TANC1: variants seen among roughly 807,000 people sequenced by gnomAD.
The protein encoded by TANC1 is tetratricopeptide repeat, ankyrin repeat and coiled-coil containing 1.
Under a neutral mutation model 149.7 loss-of-function variants are expected in TANC1, and 77 were observed. The ratio of observed to expected loss-of-function variants is 0.51; its 90% CI spans 0.43 to 0.62. TANC1 has a LOEUF of 0.62. Among genes scored for constraint, TANC1 ranks in the 20% least tolerant of loss-of-function variants. The pLI is 0.00. For missense variants in TANC1, 1,985 were observed against 2,321.8 expected, an observed-to-expected ratio of 0.85 and a Z score of 2.98; for synonymous variants, 854 against 925.0, an observed-to-expected ratio of 0.92 and a Z score of 1.39.
At chr2:159,099,761 A>G (rs2046487497) in intron 4 of TANC1, among the ~76,000 whole-genome samples, 1 of 141,558 alleles carries the variant, frequency 7.1e-6, no homozygotes, top group Admixed American at 7.9e-5. Context: ...TTGCCTTCCT[A>G]CCCCTGATGT....
chr2:159,197,529 T>C (rs1203665577), intron 18 of TANC1, among the ~76,000 whole-genome samples: 1 of 152,178 alleles, frequency 6.6e-6, no homozygotes, highest in Non-Finnish European at 1.5e-5. Flanking sequence ...TGGCTGACTT[T>C]GGCATTCAAA....
chr2:159,073,994 A>G (rs2043402684), intron 3 of TANC1, among the ~76,000 whole-genome samples: 1 of 152,204 alleles, frequency 6.6e-6, no homozygotes, highest in South Asian at 2.1e-4. Context: ...CTTGCAGTTA[A>G]TGAGGGTGGC....
chr2:159,183,698 G>GT (rs1320036868), intron 14 of TANC1, among the ~76,000 whole-genome samples: 2 of 152,036 alleles, frequency 1.3e-5, no homozygotes, highest in East Asian at 1.9e-4. Context: ...TTGTTTGTTT[G>GT]TTTTTTAATA....
chr2:159,125,362 C>A (rs981980359), intron 4 of TANC1, among the ~76,000 whole-genome samples: 1 of 152,232 alleles, frequency 6.6e-6, no homozygotes, highest in African/African-American at 2.4e-5. Flanking sequence ...GAAATTACTA[C>A]AAGCTTATCT....
At chr2:159,196,451 C>A (rs1575198316) in intron 17 of TANC1, among the ~76,000 whole-genome samples, 157 bp from the exon 18 acceptor site, 2 of 152,190 alleles carry the variant, frequency 1.3e-5, no homozygotes, top group South Asian at 4.1e-4. Flanking sequence ...TGGAAGTAAT[C>A]CAGACTAAGG....
chr2:159,219,977 AGTGT>A (rs760037919), intron 22 of TANC1, 110 bp downstream of exon 22: 46,993 of 553,226 alleles, frequency 0.085, 506 homozygotes, highest in East Asian at 0.16. Context: ...GTCATCAGAG[AGTGT>A]GTGTGTGTGT....
Position 159,178,595 on chromosome 2 carries a change from G to A in TANC1, c.1942G>A (p.Asp648Asn). 2 of 1,600,884 alleles carry A rather than the reference G, an allele frequency of 1.2e-6. No individual in the cohort carries two copies. Among genetic ancestry groups the A allele is most frequent in the Non-Finnish European group, 1.7e-6 (2 of 1,174,410 alleles). Residue 648 changes from aspartate to asparagine, a missense_variant, in exon 14 of 27, where the codon GAT (aspartate) becomes AAT (asparagine). Physicochemically the swap from Asp to Asn is conservative, Grantham distance 23. This residue lies in a region of TANC1 where 508 missense variants were observed against 714.2 expected (regional missense o/e 0.71). Coordinates refer to ENST00000263635, the MANE Select transcript of TANC1 (RefSeq NM_033394.3). ...GCTGCCATTTGTCAAGCTTTCCTTA[G>A]ATGACTTCCCAGACAACAAAGACAT... ...SALPFVKLSLDDFPDNKDIHS... is the reference protein window; with the variant it reads ...SALPFVKLSLNDFPDNKDIHS...
intron 1 of TANC1, among the ~76,000 whole-genome samples, chr2:158,980,577 C>T (rs959455620): frequency 6.6e-6 from 1 of 152,004 alleles, no homozygotes; most frequent in African/African-American, 2.4e-5. Flanking sequence ...GAGATTGAGA[C>T]CATCCTGGCT....
intron 25 of TANC1, 70 bp from the exon 26 acceptor site, chr2:159,228,726 A>G: frequency 1.7e-6 from 2 of 1,179,830 alleles, no homozygotes; most frequent in Admixed American, 3.5e-5. Context: ...CTTTAGAACA[A>G]AACTAGACGG....
intron 7 of TANC1, among the ~76,000 whole-genome samples, chr2:159,155,165 TA>T (rs2053288997): frequency 6.6e-6 from 1 of 152,246 alleles, no homozygotes; most frequent in Non-Finnish European, 1.5e-5. Context: ...CATATCGTGA[TA>T]AAATTTTAAG....
rs749102599 is a variant in TANC1 at position 159,217,546 on chromosome 2, G to T, written c.3294G>T (p.Leu1098=). 3 of 1,614,250 alleles carry T rather than the reference G, an allele frequency of 1.9e-6. No individual in the cohort carries two copies. Among genetic ancestry groups the T allele is most frequent in the African/African-American group, 1.3e-5 (1 of 75,064 alleles). Residue 1098 remains leucine, a synonymous_variant, in exon 20 of 27, where the codon CTG becomes CTT. Coordinates refer to ENST00000263635, the MANE Select transcript of TANC1 (RefSeq NM_033394.3). ...GRGKLEVCEL[L]LGHGAAVSRT... Reference sequence around the variant, plus strand: ...GGAAGCTGGAGGTCTGTGAGCTGCTGCTGGGGCATGGAGCTGCTGTGTCGC... The same window carrying T: ...GGAAGCTGGAGGTCTGTGAGCTGCTTCTGGGGCATGGAGCTGCTGTGTCGC...
chr2:159,097,259 C>G (rs1182010826), intron 3 of TANC1, among the ~76,000 whole-genome samples: 1 of 152,160 alleles, frequency 6.6e-6, no homozygotes, highest in Non-Finnish European at 1.5e-5. Flanking sequence ...GTATCTGAAT[C>G]TGTTTTACTG....
chr2:158,992,785 G>T (rs191005618), intron 1 of TANC1, among the ~76,000 whole-genome samples: 21 of 151,180 alleles, frequency 1.4e-4, no homozygotes, highest in Admixed American at 1.1e-3. Flanking sequence ...TTCCCAAAGT[G>T]CTGGGATTAC....
rs1158000938 is a variant in TANC1, at chr2:159,230,405, T to G, written c.4979T>G (p.Leu1660Arg). ...TCSDVRHPAS[L>R]TSSGSSGSPS... ...AGCGACGTGCGACACCCAGCTTCCCTCACCAGCTCAGGCTCTTCTGGTTCT... is the reference window on the plus strand; with the variant it reads ...AGCGACGTGCGACACCCAGCTTCCCGCACCAGCTCAGGCTCTTCTGGTTCT... The change falls in exon 27 of 27, where the codon CTC becomes CGC. Residue 1660 changes from leucine to arginine, a missense_variant. Physicochemically the swap from Leu to Arg is moderately radical, Grantham distance 102 (BLOSUM62 -2). This residue lies in a region of TANC1 where 920 missense variants were observed against 994.7 expected (regional missense o/e 0.92). Transcript: ENST00000263635. This position sits in a 1 kb window ranked among gnomAD's most constrained non-coding sequence, Gnocchi z 4.4. 6.2e-7 allele frequency: 1 copy of G among 1,614,012 alleles called. No homozygotes were observed. Among genetic ancestry groups the G allele is most frequent in the Admixed American group, 1.7e-5 (1 of 60,006 alleles).
intron 2 of TANC1, among the ~76,000 whole-genome samples, chr2:159,047,848 G>T (rs2041190327): frequency 6.6e-6 from 1 of 152,128 alleles, no homozygotes; most frequent in Non-Finnish European, 1.5e-5. Flanking sequence ...CAAATTTTGG[G>T]ACTTCACACC....
At chr2:159,142,106 A>C (rs2051441944) in intron 5 of TANC1, among the ~76,000 whole-genome samples, 1 of 152,194 alleles carries the variant, frequency 6.6e-6, no homozygotes, top group African/African-American at 2.4e-5. Context: ...TTTACCCCCA[A>C]ATTAAACAGA....
intron 1 of TANC1, among the ~76,000 whole-genome samples, 154 bp downstream of exon 1, chr2:158,968,936 C>G (rs2032374282): frequency 6.6e-6 from 1 of 152,084 alleles, no homozygotes. Flanking sequence ...GCCCCCTCCT[C>G]CGCCGGGCAC....
At chr2:159,019,456 A>G (rs1355778123) in intron 2 of TANC1, among the ~76,000 whole-genome samples, 1 of 152,086 alleles carries the variant, frequency 6.6e-6, no homozygotes, top group Non-Finnish European at 1.5e-5. Context: ...TCAGTTAAAG[A>G]CAAAAACAAA....
intron 2 of TANC1, among the ~76,000 whole-genome samples, chr2:159,053,874 TG>T (rs1332926847): frequency 6.6e-6 from 1 of 152,218 alleles, no homozygotes; most frequent in Non-Finnish European, 1.5e-5. Context: ...CATTTTGGCA[TG>T]TGTTCTGTTG....
Sources: gnomAD v4.1 joint callset for allele counts (sites outside exome capture counted in the v4.1 genomes callset) on GRCh38, gnomAD v4.1.1 for gene constraint, gnomAD v4.1.1 regional missense constraint, Gnocchi (gnomAD v3.1) non-coding constraint, MANE v1.5 for transcripts, NCBI Gene and HGNC (gene_info 2026-07-23, HGNC 2026-07-21) for gene names.